The following WASHC5 variants were observed in gnomAD, a reference collection of about 807,000 sequenced individuals.
WASHC5 encodes the protein WASH complex subunit strumpellin.
A neutral mutation model predicts 150.4 loss-of-function variants in WASHC5; 101 were observed. The observed-to-expected ratio is 0.67, with a 90% CI of 0.57 to 0.79. The LOEUF is 0.79. Among genes scored for constraint, WASHC5 ranks in the 30% least tolerant of loss-of-function variants. The pLI, the probability that WASHC5 is intolerant of heterozygous loss-of-function variation, is 0.00. For synonymous variants in WASHC5, 467 were observed against 491.2 expected (o/e 0.95, Z 0.65); for missense variants, 1,195 against 1,396.3 (o/e 0.86, Z 2.30).
Position 125,032,383 on chromosome 8 carries a change from G to T in WASHC5, c.3193C>A (p.Arg1065=), listed in dbSNP as rs772177975. 11 of 1,613,920 alleles carry T rather than the reference G, an allele frequency of 6.8e-6. No homozygotes were observed. The Middle Eastern group carries it at 1.7e-3, about 247-fold the overall frequency. The change falls in exon 27 of 29, where the codon CGA becomes AGA. Residue 1065 remains arginine, a synonymous_variant. Coordinates refer to ENST00000318410, the MANE Select transcript of WASHC5 (RefSeq NM_014846.4). ...QYNKNLGMVC[R]KPTDPVDWPP... is the part of the protein sequence containing the mutation. ...CAATCAACCGGGTCGGTCGGTTTTC[G>T]GCAGACCATTCCTGCAAGGGAACAA...
chr8:125,071,851 A>G (rs1414791104), intron 9 of WASHC5, among the ~76,000 whole-genome samples: 3 of 152,180 alleles, frequency 2.0e-5, no homozygotes, highest in Admixed American at 1.3e-4. Flanking sequence ...AATCAAGGTG[A>G]TGGCTGCGCT....
intron 17 of WASHC5, among the ~76,000 whole-genome samples, chr8:125,054,984 T>C (rs533865734): frequency 1.3e-5 from 2 of 151,926 alleles, no homozygotes; most frequent in South Asian, 4.2e-4. Context: ...CAATCAAATA[T>C]ATTTTTCTTG....
At chr8:125,070,388 G>A (rs1204842177) in intron 9 of WASHC5, among the ~76,000 whole-genome samples, 1 of 152,198 alleles carries the variant, frequency 6.6e-6, no homozygotes, top group African/African-American at 2.4e-5. Context: ...AAACGCAAAA[G>A]ACAAATGTGG....
At chr8:125,063,080 C>G (rs1439109285) in intron 11 of WASHC5, among the ~76,000 whole-genome samples, 1 of 152,070 alleles carries the variant, frequency 6.6e-6, no homozygotes, top group African/African-American at 2.4e-5. Context: ...TAGATATCAT[C>G]TATGCTGGTA....
chr8:125,027,654 A>T (rs1815411797), intron 28 of WASHC5, among the ~76,000 whole-genome samples: 1 of 152,186 alleles, frequency 6.6e-6, no homozygotes, highest in Non-Finnish European at 1.5e-5. Flanking sequence ...AAATACTACA[A>T]ATATGGTGCA....
In WASHC5 at chr8:125,084,016, A is replaced by G. The variant is rs1481021542; in HGVS notation, c.-118T>C. Reference sequence around the variant, plus strand: ...GTGCAGAGAGATTGGCTCCTCCATTAAAGAACCTGTATCCCCAAAAAAAGT... The same window carrying G: ...GTGCAGAGAGATTGGCTCCTCCATTGAAGAACCTGTATCCCCAAAAAAAGT... On this transcript the variant is annotated 5_prime_UTR_variant, in exon 2 of 29. Transcript: ENST00000318410. 2.1e-6 allele frequency: 2 copies of G among 955,612 alleles called. No homozygotes were observed. The highest frequency in any genetic ancestry group is 3.3e-6 in the Non-Finnish European group (2 of 611,022). The allele number at this position is 955,612 out of a possible 1,614,324, so 59.2% of individuals were successfully genotyped here. A position where few individuals can be genotyped will look rare whatever the true frequency, so the allele number is the denominator to read the frequency against.
At position 125,045,178 on chromosome 8, in the gene WASHC5, T is replaced by C. The variant is rs139093430; in HGVS notation, c.2505-480A>G. Among the ~76,000 whole-genome samples, 260 of 152,326 alleles carry C rather than the reference T, an allele frequency of 1.7e-3. 5 individuals are homozygous for C. In the East Asian group the frequency reaches 0.04, roughly 24 times the overall value. On this transcript the variant is annotated intron_variant, in intron 20 of 28. Coordinates refer to ENST00000318410, the MANE Select transcript of WASHC5 (RefSeq NM_014846.4). ...GACGACAAAGCAATTTGCTTTTTCC[T>C]CCCAGTTCCTTAAACTTGTAGATGC...
intron 12 of WASHC5, 26 bp from the exon 13 acceptor site, chr8:125,059,568 T>A (rs1178795177): frequency 1.9e-6 from 3 of 1,591,408 alleles, no homozygotes; most frequent in Non-Finnish European, 2.6e-6. Context: ...ATACTTAATT[T>A]AAAAATCCTG....
At chr8:125,079,110 GTGTGTGTATA>G (rs1338261750) in intron 5 of WASHC5, among the ~76,000 whole-genome samples, 180 bp from the exon 6 acceptor site, 45 of 48,774 alleles carry the variant, frequency 9.2e-4, no homozygotes, top group African/African-American at 3.3e-3. Context: ...ATATGTGTGT[GTGTGTGTATA>G]TATATATATA....
rs370216606 is a variant in WASHC5 at position 125,041,793 on chromosome 8, C to T, written c.2851-1895G>A. On this transcript the variant is annotated intron_variant, in intron 23 of 28. Coordinates refer to ENST00000318410, the MANE Select transcript of WASHC5 (RefSeq NM_014846.4). ...ACTATTACTCTATTTATGTGAAAAA[C>T]GTCAATCCAAAAATGCTATTTATAA... 6.0e-4 allele frequency among the ~76,000 whole-genome samples: 92 copies of T among 152,200 alleles called. 1 individual carries two copies. In the South Asian group the frequency reaches 0.012, roughly 19 times the overall value.
intron 10 of WASHC5, among the ~76,000 whole-genome samples, chr8:125,067,128 C>T (rs993939321): frequency 4.2e-4 from 64 of 152,196 alleles, no homozygotes; most frequent in African/African-American, 1.5e-3. Context: ...GATTCTCATG[C>T]CTCAGCCTCC....
chr8:125,029,698 T>C (rs1815472131), intron 27 of WASHC5, among the ~76,000 whole-genome samples: 1 of 152,244 alleles, frequency 6.6e-6, no homozygotes, highest in East Asian at 1.9e-4. Flanking sequence ...GCAAAGTACA[T>C]GCCAGGCTCC....
rs1262685337 is a variant in WASHC5 at position 125,049,198 on chromosome 8, G to A, written c.2200-13C>T. 1.4e-5 allele frequency: 22 copies of A among 1,613,818 alleles called. No homozygotes were observed. Among genetic ancestry groups the A allele is most frequent in the Non-Finnish European group, 1.8e-5 (21 of 1,179,852 alleles). ...TCAATTCACTTGGCTGTGGAAAAGGGGAAACATAAAGCTCTTACACTGGAG... is the reference window on the plus strand; with the variant it reads ...TCAATTCACTTGGCTGTGGAAAAGGAGAAACATAAAGCTCTTACACTGGAG... On this transcript the variant is annotated splice_polypyrimidine_tract_variant and intron_variant, in intron 18 of 28. Transcript: ENST00000318410.
chr8:125,073,272 A>T lies in WASHC5; in HGVS notation c.1031T>A (p.Phe344Tyr), dbSNP rs1164083547. 1 of 1,614,036 alleles carries T rather than the reference A, an allele frequency of 6.2e-7. No individual in the cohort carries two copies. Among genetic ancestry groups the T allele is most frequent in the Admixed American group, 1.7e-5 (1 of 60,000 alleles). The part of the protein sequence containing the change: ...SERVHAQVQQ[F>Y]LKEGYLREEM... ...CTCCCTTAAATAACCTTCTTTTAGA[A>T]ATTGCTGCACTTGAGCATGCACTCT... The change falls in exon 9 of 29, where the codon TTT becomes TAT. Residue 344 changes from phenylalanine (F) to tyrosine (Y), a missense_variant. Phe to Tyr is a conservative substitution (Grantham distance 22). This residue lies in a region of WASHC5 where 997 missense variants were observed against 1,168.1 expected (regional missense o/e 0.85). Transcript: ENST00000318410.
chr8:125,032,107 T>C (rs988508811), intron 27 of WASHC5, 134 bp downstream of exon 27: 7 of 1,033,154 alleles, frequency 6.8e-6, no homozygotes, highest in Admixed American at 1.7e-5. Flanking sequence ...AGGTATGCCC[T>C]GACTTGCTTT....
At position 125,082,395 on chromosome 8, in the gene WASHC5, T is replaced by C. The variant is rs529518868; in HGVS notation, c.405A>G (p.Gly135=). The C allele has an allele frequency of 4.3e-5, 67 of 1,548,282 alleles. 1 individual carries two copies. Among genetic ancestry groups the C allele is most frequent in the African/African-American group, 2.6e-4 (19 of 73,566 alleles). The change falls in exon 4 of 29, where the codon GGA becomes GGG. Residue 135 remains glycine (G), a synonymous_variant. Coordinates refer to ENST00000318410, the MANE Select transcript of WASHC5 (RefSeq NM_014846.4). ...CATTATTACTTACTAGAAGTTGTTT[T>C]CCATCTTCATTGAGAAGCACAGTTT... ...TLETVLLNED[G]KQLLCEALYL...
Position 125,064,132 on chromosome 8 carries a change from TTATAC to T in WASHC5, c.1279-486_1279-482del, listed in dbSNP as rs539214353. 2.9e-3 allele frequency among the ~76,000 whole-genome samples: 443 copies of T among 152,216 alleles called. 4 individuals carry two copies. Among genetic ancestry groups the T allele is most frequent in the African/African-American group, 0.01 (420 of 41,506 alleles). ...TTACCTGCAAAAGTTCTTTGTTTTATTATACAAGTTTAATTGTTTATTTTTATTTA... is the reference window on the plus strand; with the variant it reads ...TTACCTGCAAAAGTTCTTTGTTTTATAAGTTTAATTGTTTATTTTTATTTA... On this transcript the variant is annotated intron_variant, in intron 10 of 28. Coordinates refer to ENST00000318410, the MANE Select transcript of WASHC5 (RefSeq NM_014846.4).
rs1223172831 is a variant in WASHC5 at position 125,024,329 on chromosome 8, TA to T, written c.*287del. The T allele has an allele frequency of 5.8e-5, 26 of 450,736 alleles. 1 individual carries two copies. In the East Asian group the frequency reaches 1.1e-3, roughly 18 times the overall value. The allele number at this position is 450,736 out of a possible 1,614,324, so 27.9% of individuals were successfully genotyped here. ...CAAATAGTTCTTTAGAACATAAAAC[TA>T]AATGGATTTATACATAACAGTTACA... is the stretch of plus-strand genomic sequence containing the variant. On this transcript the variant is annotated 3_prime_UTR_variant, in exon 29 of 29. Coordinates refer to ENST00000318410, the MANE Select transcript of WASHC5 (RefSeq NM_014846.4).
intron 17 of WASHC5, among the ~76,000 whole-genome samples, chr8:125,052,589 T>A (rs542125515): frequency 1.5e-5 from 2 of 136,144 alleles, no homozygotes; most frequent in South Asian, 4.8e-4. Flanking sequence ...CATAGTTGCA[T>A]GCATGTATAT....
Sources: allele counts gnomAD v4.1 joint callset (sites outside exome capture counted in the v4.1 genomes callset), GRCh38; gene constraint gnomAD v4.1.1; regional missense constraint gnomAD v4.1.1; transcripts MANE v1.5; gene names NCBI Gene and HGNC (gene_info 2026-07-23, HGNC 2026-07-21).